Variants in PTPRK observed in about 807,000 individuals in gnomAD.
PTPRK encodes the protein protein tyrosine phosphatase receptor type K.
In PTPRK, 75 loss-of-function variants were observed where a neutral mutation model predicts 178.0. That is an observed-to-expected ratio of 0.42 (90% CI 0.35 to 0.51). The LOEUF is 0.51. Ranked by LOEUF, PTPRK falls within the 20% of genes least tolerant of loss-of-function variation. The probability of loss-of-function intolerance (pLI) is 0.02; values close to 1 mark genes in which losing one functional copy is unlikely to be tolerated. For synonymous variants in PTPRK, 637 were observed against 620.6 expected (o/e 1.03, Z -0.39); for missense variants, 1,441 against 1,797.8 (o/e 0.80, Z 3.59).
chr6:128,200,021 A>C (rs1805627610), intron 6 of PTPRK, among the ~76,000 whole-genome samples: 1 of 152,204 alleles, frequency 6.6e-6, no homozygotes. Context: ...TGATTATACC[A>C]CATAAAGGCA....
rs143972101 is a variant in PTPRK at position 128,448,973 on chromosome 6, C to T, written c.101-51285G>A. 8.9e-3 allele frequency among the ~76,000 whole-genome samples: 1,352 copies of T among 152,218 alleles called. 21 individuals carry two copies. The highest frequency in any genetic ancestry group is 0.031 in the African/African-American group (1,273 of 41,524). On this transcript the variant is annotated intron_variant, in intron 1 of 29. Transcript: ENST00000368226. The stretch of plus-strand genomic sequence containing the variant: ...CTCCTGGGTTCAAGTGATTCTCCTG[C>T]CTCAGCCTCCTGAGTAGCTGGGACT...
chr6:128,450,222 A>G (rs1847611264), intron 1 of PTPRK, among the ~76,000 whole-genome samples: 1 of 152,208 alleles, frequency 6.6e-6, no homozygotes. Flanking sequence ...TGCTTAAACC[A>G]TATTTGTGTC....
At chr6:128,483,380 T>C (rs1852356519) in intron 1 of PTPRK, among the ~76,000 whole-genome samples, 1 of 152,130 alleles carries the variant, frequency 6.6e-6, no homozygotes, top group South Asian at 2.1e-4. Context: ...ATCTGCTACT[T>C]TGTGTGTTTA....
At chr6:128,142,915 T>C (rs1795981252) in intron 7 of PTPRK, among the ~76,000 whole-genome samples, 1 of 152,082 alleles carries the variant, frequency 6.6e-6, no homozygotes, top group South Asian at 2.1e-4. Context: ...TGGTACATTG[T>C]TTCTTCACAT....
chr6:128,266,510 G>C (rs527580883), intron 3 of PTPRK, among the ~76,000 whole-genome samples: 1 of 152,092 alleles, frequency 6.6e-6, no homozygotes, highest in African/African-American at 2.4e-5. Flanking sequence ...TAGAGGTCAA[G>C]CCTGATTTGA....
chr6:128,455,927 G>C (rs1042042161), intron 1 of PTPRK, among the ~76,000 whole-genome samples: 2 of 152,028 alleles, frequency 1.3e-5, no homozygotes, highest in Non-Finnish European at 2.9e-5. Context: ...CTAATCCAGG[G>C]CTGGTTCATC....
chr6:128,027,755 T>A (rs889002026), intron 13 of PTPRK: 1 of 152,142 alleles, frequency 6.6e-6, no homozygotes, highest in Non-Finnish European at 1.5e-5. Flanking sequence ...CCACTGTGCC[T>A]GACTAATTTT....
chr6:127,973,534 G>T, intron 28 of PTPRK, 130 bp downstream of exon 28: 1 of 1,037,060 alleles, frequency 9.6e-7, no homozygotes, highest in Non-Finnish European at 1.4e-6. Context: ...AGACTCATGA[G>T]ACAGGAAGAC....
rs768577431 is a variant in PTPRK at position 128,009,135 on chromosome 6, T to C, written c.2328A>G (p.Lys776=). The change falls in exon 14 of 30, where the codon AAA becomes AAG. Residue 776 remains lysine, a synonymous_variant. Coordinates refer to ENST00000368226, the MANE Select transcript of PTPRK (RefSeq NM_002844.4). ...AGGACAATATTAGGCCTTACCTCTT[T>C]TTTACAATTAATATGACAACTAGGA... ...LLLLVVILIV[K]KSKLAKKRKD... is the part of the protein sequence containing the mutation. 3.2e-5 allele frequency: 52 copies of C among 1,608,292 alleles called. No individual in the cohort carries two copies. The highest frequency in any genetic ancestry group is 4.2e-5 in the Non-Finnish European group (49 of 1,176,264).
At chr6:128,357,534 C>T (rs1191300214) in intron 2 of PTPRK, among the ~76,000 whole-genome samples, 1 of 152,194 alleles carries the variant, frequency 6.6e-6, no homozygotes, top group African/African-American at 2.4e-5. Flanking sequence ...AGATCCCAGA[C>T]ATCTAGCTCC....
intron 7 of PTPRK, among the ~76,000 whole-genome samples, chr6:128,158,248 T>TG (rs1798213153): frequency 6.6e-6 from 1 of 151,264 alleles, no homozygotes; most frequent in African/African-American, 2.4e-5. Flanking sequence ...CATCACACAC[T>TG]GGGGCCTGTC....
chr6:128,218,847 T>C, intron 6 of PTPRK, 75 bp downstream of exon 6: 1 of 1,284,850 alleles, frequency 7.8e-7, no homozygotes, highest in Non-Finnish European at 1.1e-6. Flanking sequence ...TAAAAATCAA[T>C]CAAAATATCT....
chr6:128,018,384 T>C (rs894783388), intron 13 of PTPRK, among the ~76,000 whole-genome samples: 3 of 152,044 alleles, frequency 2.0e-5, no homozygotes, highest in Admixed American at 2.0e-4. Context: ...ATTTATAAAA[T>C]CTAAAACATT....
intron 9 of PTPRK, 80 bp downstream of exon 9, chr6:128,083,635 A>C: frequency 2.8e-6 from 2 of 708,968 alleles, no homozygotes; most frequent in South Asian, 3.3e-5. Flanking sequence ...TCTTTTCCAT[A>C]TTTCCCTCTA....
intron 1 of PTPRK, among the ~76,000 whole-genome samples, chr6:128,472,860 C>A (rs893119099): frequency 6.6e-6 from 1 of 152,030 alleles, no homozygotes; most frequent in African/African-American, 2.4e-5. Flanking sequence ...TTTACTGGGA[C>A]AAAATCATGC....
intron 2 of PTPRK, among the ~76,000 whole-genome samples, chr6:128,357,780 G>C (rs1282109527): frequency 6.6e-6 from 1 of 152,206 alleles, no homozygotes; most frequent in Non-Finnish European, 1.5e-5. Context: ...CCTTATTGCT[G>C]ATTATGCTGA....
intron 1 of PTPRK, among the ~76,000 whole-genome samples, chr6:128,517,101 C>T (rs1858178177): frequency 6.6e-6 from 1 of 151,500 alleles, no homozygotes; most frequent in Admixed American, 6.6e-5. Context: ...CACACGTGCG[C>T]ACACACACAC....
rs540828576 is a variant in PTPRK at position 128,336,759 on chromosome 6, C to A, written c.224-14449G>T. Among the ~76,000 whole-genome samples the A allele has an allele frequency of 7.1e-4, 108 of 152,282 alleles. 1 individual carries two copies. The highest frequency in any genetic ancestry group is 2.5e-3 in the African/African-American group (103 of 41,564). On this transcript the variant is annotated intron_variant, in intron 2 of 29. Transcript: ENST00000368226. ...TAAACAAACAAATAAACAAAAACTT[C>A]TTTTCCTTTACAATGATCCTACAAG...
intron 2 of PTPRK, among the ~76,000 whole-genome samples, chr6:128,351,468 A>T (rs1445661312): frequency 6.6e-6 from 1 of 152,194 alleles, no homozygotes; most frequent in South Asian, 2.1e-4. Context: ...ATAAAGAAAA[A>T]ATATCATAAA....
Sources: gnomAD v4.1 joint callset for allele counts (sites outside exome capture counted in the v4.1 genomes callset) on GRCh38, gnomAD v4.1.1 for gene constraint, MANE v1.5 for transcripts, NCBI Gene and HGNC (gene_info 2026-07-23, HGNC 2026-07-21) for gene names.